Variants in TSHZ3 observed in about 807,000 individuals in gnomAD.
TSHZ3 encodes teashirt homolog 3.
A neutral mutation model predicts 64.5 loss-of-function variants in TSHZ3; 10 were observed. That is an observed-to-expected ratio of 0.16 (90% CI 0.10 to 0.26). The LOEUF is 0.26. Ranked by LOEUF, TSHZ3 falls within the 10% of genes least tolerant of loss-of-function variation. TSHZ3 has a pLI of 1.00. For missense variants in TSHZ3, 1,242 were observed against 1,421.7 expected, an observed-to-expected ratio of 0.87 and a Z score of 2.03; for synonymous variants, 608 against 593.1, an observed-to-expected ratio of 1.03 and a Z score of -0.36.
intron 4 of TSHZ3, among the ~76,000 whole-genome samples, chr19:31,210,429 T>G (rs943729657): frequency 6.6e-6 from 1 of 151,772 alleles, no homozygotes; most frequent in Non-Finnish European, 1.5e-5. Flanking sequence ...GTTTGAGGAG[T>G]TCAGAATGCC....
chr19:31,307,979 C>T (rs1025898836), intron 1 of TSHZ3, among the ~76,000 whole-genome samples: 1 of 152,178 alleles, frequency 6.6e-6, no homozygotes, highest in Non-Finnish European at 1.5e-5. Flanking sequence ...ATTTTTCTGT[C>T]CTATCATGTA....
At chr19:31,343,487 T>C (rs908363346) in intron 1 of TSHZ3, among the ~76,000 whole-genome samples, 1 of 152,232 alleles carries the variant, frequency 6.6e-6, no homozygotes, top group Non-Finnish European at 1.5e-5. Context: ...AAATGTCTTC[T>C]TTTTTAAATG....
intron 5 of TSHZ3, among the ~76,000 whole-genome samples, chr19:31,184,840 A>G (rs1197263909): frequency 6.6e-6 from 1 of 152,222 alleles, no homozygotes; most frequent in South Asian, 2.1e-4. Flanking sequence ...AGAAAGCCCA[A>G]CCAAGAGTGA....
intron 5 of TSHZ3, among the ~76,000 whole-genome samples, chr19:31,190,428 T>C (rs1363477273): frequency 3.9e-5 from 6 of 152,156 alleles, no homozygotes; most frequent in African/African-American, 1.2e-4. Context: ...AGGAATTCAG[T>C]TGAGACCCCA....
At position 31,292,694 on chromosome 19, in the gene TSHZ3, T is replaced by A. The variant is rs1177241855; in HGVS notation, c.41-12942A>T. Among the ~76,000 whole-genome samples, 25 of 150,960 alleles carry A rather than the reference T, an allele frequency of 1.7e-4. 1 individual carries two copies. Among genetic ancestry groups the A allele is most frequent in the Admixed American group, 1.7e-3 (25 of 15,128 alleles). ...ATCCATTGAAAGACTTATTCATCTATCCATCCAAAAACCTATCCATCCAAA... is the reference window on the plus strand; with the variant it reads ...ATCCATTGAAAGACTTATTCATCTAACCATCCAAAAACCTATCCATCCAAA... On this transcript the variant is annotated intron_variant, in intron 1 of 1. Transcript: ENST00000240587.
At chr19:31,251,951 C>A (rs897530439) in intron 1 of TSHZ3, among the ~76,000 whole-genome samples, 1 of 152,176 alleles carries the variant, frequency 6.6e-6, no homozygotes, top group Non-Finnish European at 1.5e-5. Flanking sequence ...AGGCCTGGAG[C>A]TCGGGTGGTT....
chr19:31,349,175 C>G lies in TSHZ3; in HGVS notation c.40+5G>C, dbSNP rs1243986620. On this transcript the variant is annotated splice_donor_5th_base_variant and intron_variant, in intron 1 of 1. Transcript: ENST00000240587. The stretch of plus-strand genomic sequence containing the variant: ...AGAGCAGAAGGAAGGGGAAGCGGCT[C>G]GTACCTGCTGCGCGCCGGGGCGCCT... The G allele has an allele frequency of 9.7e-6, 15 of 1,541,794 alleles. No individual in the cohort carries two copies. Among genetic ancestry groups the G allele is most frequent in the Non-Finnish European group, 1.3e-5 (15 of 1,144,306 alleles).
intron 1 of TSHZ3, among the ~76,000 whole-genome samples, chr19:31,325,492 G>A (rs890805611): frequency 3.3e-5 from 5 of 152,216 alleles, no homozygotes; most frequent in South Asian, 2.1e-4. Context: ...CCTGCTGAGC[G>A]AGAGAAGGGG....
rs879897342 is a variant in TSHZ3, at chr19:31,330,707, G to GTC, written c.40+18472_40+18473insGA. 2.1e-3 allele frequency among the ~76,000 whole-genome samples: 211 copies of GTC among 100,294 alleles called. 2 individuals are homozygous for GTC. Among genetic ancestry groups the GTC allele is most frequent in the African/African-American group, 6.0e-3 (195 of 32,546 alleles). The allele number at this position is 100,294 out of a possible 152,430, so 65.8% of individuals were successfully genotyped here. A position where few individuals can be genotyped will look rare whatever the true frequency, so the allele number is the denominator to read the frequency against. On this transcript the variant is annotated intron_variant, in intron 1 of 1. Coordinates refer to ENST00000240587, the MANE Select transcript of TSHZ3 (RefSeq NM_020856.4). Reference sequence around the variant, plus strand: ...GGAGCCAAGTGCTGTTTAATCCTTGGGCGGGGGGAGGAAAGTCCAGAACAC... The same window carrying GTC: ...GGAGCCAAGTGCTGTTTAATCCTTGGTCGCGGGGGGAGGAAAGTCCAGAACAC...
At chr19:31,231,270 G>A (rs1568354653) in intron 3 of TSHZ3, among the ~76,000 whole-genome samples, 1 of 152,048 alleles carries the variant, frequency 6.6e-6, no homozygotes, top group South Asian at 2.1e-4. Context: ...GCACGATGAT[G>A]TGATTCTCCC....
At chr19:31,245,059 C>T (rs1975743150) in intron 1 of TSHZ3, among the ~76,000 whole-genome samples, 1 of 152,028 alleles carries the variant, frequency 6.6e-6, no homozygotes, top group Admixed American at 6.6e-5. Flanking sequence ...AAAATATTCA[C>T]AGTGTTATTA....
At chr19:31,311,878 C>T (rs150765507) in intron 1 of TSHZ3, among the ~76,000 whole-genome samples, 2,592 of 152,230 alleles carry the variant, frequency 0.017, 101 homozygotes, top group Admixed American at 0.097. Flanking sequence ...TGTGCGCCAC[C>T]ACGCCTGGCA....
At chr19:31,303,828 C>A (rs1288593749) in intron 1 of TSHZ3, among the ~76,000 whole-genome samples, 1 of 152,152 alleles carries the variant, frequency 6.6e-6, no homozygotes, top group Non-Finnish European at 1.5e-5. Context: ...GATTTTTTTG[C>A]AAAGATTTTA....
chr19:31,188,882 A>G (rs1015451195), intron 5 of TSHZ3, among the ~76,000 whole-genome samples: 1 of 151,906 alleles, frequency 6.6e-6, no homozygotes, highest in East Asian at 1.9e-4. Flanking sequence ...TTGAAATTTG[A>G]TAGAATTCAA....
chr19:31,183,490 A>G (rs1974756469), intron 5 of TSHZ3, among the ~76,000 whole-genome samples: 1 of 152,198 alleles, frequency 6.6e-6, no homozygotes. Context: ...CAAAAAACAA[A>G]CAAACAAAAA....
chr19:31,271,192 G>A (rs1309773527), downstream of TSHZ3, among the ~76,000 whole-genome samples: 2 of 152,094 alleles, frequency 1.3e-5, no homozygotes, highest in Non-Finnish European at 2.9e-5. Context: ...ATATAGTTCT[G>A]AATCATCCAG....
chr19:31,223,402 G>A (rs185080722), intron 4 of TSHZ3, among the ~76,000 whole-genome samples: 3 of 145,664 alleles, frequency 2.1e-5, no homozygotes, highest in African/African-American at 7.6e-5. Flanking sequence ...GTGTGTGTGT[G>A]ACAGAGAGAG....
intron 4 of TSHZ3, among the ~76,000 whole-genome samples, chr19:31,216,729 C>T (rs964993589): frequency 3.9e-5 from 6 of 152,104 alleles, no homozygotes; most frequent in African/African-American, 1.2e-4. Flanking sequence ...CTCTGCCTCC[C>T]GGGTTCATGC....
intron 1 of TSHZ3, among the ~76,000 whole-genome samples, chr19:31,346,860 C>A (rs1264499320): frequency 6.7e-6 from 1 of 149,356 alleles, no homozygotes; most frequent in African/African-American, 2.5e-5. Flanking sequence ...TTTTTTCTCT[C>A]CACTCTTCTT....
Sources: gnomAD v4.1 joint callset for allele counts (sites outside exome capture counted in the v4.1 genomes callset) on GRCh38, gnomAD v4.1.1 for gene constraint, MANE v1.5 for transcripts, NCBI Gene and HGNC (gene_info 2026-07-23, HGNC 2026-07-21) for gene names.